CTNNA2: variants seen among roughly 807,000 people sequenced by gnomAD.
The protein encoded by CTNNA2 is catenin alpha 2, also known as catenin alpha-2.
CTNNA2 carries 42 observed loss-of-function variants against 101.0 expected under a neutral mutation model. That is an observed-to-expected ratio of 0.42 (90% confidence interval 0.32 to 0.54). The LOEUF is 0.54. CTNNA2 is among the 20% of genes least tolerant of loss of function. The pLI, the probability that CTNNA2 is intolerant of heterozygous loss-of-function variation, is 0.14. For synonymous variants in CTNNA2, 450 were observed against 456.4 expected (o/e 0.99, Z 0.18); for missense variants, 871 against 1,223.1 (o/e 0.71, Z 4.29).
chr2:79,395,805 T>C (rs1414957008), intron 4 of CTNNA2, among the ~76,000 whole-genome samples: 1 of 152,186 alleles, frequency 6.6e-6, no homozygotes, highest in Non-Finnish European at 1.5e-5. Context: ...TTTACTTTTT[T>C]AATTTTGATT....
intron 3 of CTNNA2, among the ~76,000 whole-genome samples, chr2:79,349,114 T>C (rs925697858): frequency 1.3e-5 from 2 of 152,186 alleles, no homozygotes; most frequent in African/African-American, 4.8e-5. Flanking sequence ...TGCATACTGA[T>C]GGTATAGGCT....
chr2:79,242,485 A>G (rs1228107754), intron 2 of CTNNA2, among the ~76,000 whole-genome samples: 2 of 152,098 alleles, frequency 1.3e-5, no homozygotes, highest in Non-Finnish European at 2.9e-5. Flanking sequence ...GTGTAACTCC[A>G]CATACTCTCT....
chr2:79,999,369 C>G (rs1380961394), intron 7 of CTNNA2, among the ~76,000 whole-genome samples: 1 of 152,204 alleles, frequency 6.6e-6, no homozygotes, highest in African/African-American at 2.4e-5. Flanking sequence ...AACTGGTTAT[C>G]TCTCCTATAC....
intron 2 of CTNNA2, among the ~76,000 whole-genome samples, chr2:79,670,238 C>T (rs1218426747): frequency 2.6e-5 from 4 of 152,150 alleles, no homozygotes; most frequent in East Asian, 1.9e-4. Context: ...GGTCTGCAGC[C>T]GGGTGTCCAG....
At chr2:79,882,761 A>G (rs1683542899) in intron 6 of CTNNA2, among the ~76,000 whole-genome samples, 1 of 152,236 alleles carries the variant, frequency 6.6e-6, no homozygotes, top group Admixed American at 6.5e-5. Context: ...GGCAGGCTTA[A>G]GCAGGTTCCA....
intron 3 of CTNNA2, among the ~76,000 whole-genome samples, chr2:79,326,020 A>G (rs1004149273): frequency 6.6e-6 from 1 of 152,164 alleles, no homozygotes; most frequent in African/African-American, 2.4e-5. Context: ...ATGATGATAA[A>G]ACAGAATAAA....
chr2:80,237,310 A>G (rs917295922), intron 7 of CTNNA2, among the ~76,000 whole-genome samples: 8 of 152,216 alleles, frequency 5.3e-5, no homozygotes, highest in African/African-American at 1.9e-4. Flanking sequence ...TTCAAAATAC[A>G]TACAGTACCC....
intron 7 of CTNNA2, among the ~76,000 whole-genome samples, chr2:80,199,182 GAAAAAAA>G (rs70940076): frequency 4.0e-4 from 16 of 40,060 alleles, no homozygotes; most frequent in African/African-American, 1.1e-3. Context: ...CTCCATCTCA[GAAAAAAA>G]AAAAAAAAAA....
At chr2:79,190,183 A>T (rs888010926) in intron 1 of CTNNA2, among the ~76,000 whole-genome samples, 2 of 152,054 alleles carry the variant, frequency 1.3e-5, no homozygotes, top group Admixed American at 6.6e-5. Flanking sequence ...GATGTTCCAA[A>T]TATGTCAATT....
At chr2:79,471,117 C>G (rs1309556683) in intron 4 of CTNNA2, among the ~76,000 whole-genome samples, 1 of 152,096 alleles carries the variant, frequency 6.6e-6, no homozygotes, top group Non-Finnish European at 1.5e-5. Context: ...TGGATGTTGG[C>G]TGTGGCACAC....
intron 7 of CTNNA2, among the ~76,000 whole-genome samples, chr2:80,055,288 C>T (rs1697146664): frequency 6.6e-6 from 1 of 152,130 alleles, no homozygotes; most frequent in Non-Finnish European, 1.5e-5. Context: ...CTTTGCCTCC[C>T]TAAGTACTGG....
chr2:80,480,003 C>T (rs1016297462), intron 9 of CTNNA2, among the ~76,000 whole-genome samples: 1 of 152,118 alleles, frequency 6.6e-6, no homozygotes, highest in African/African-American at 2.4e-5. Flanking sequence ...CTTCCTTTTA[C>T]TTCTATATGG....
chr2:79,664,712 T>C (rs1282949779), intron 2 of CTNNA2, among the ~76,000 whole-genome samples: 6 of 78,478 alleles, frequency 7.6e-5, no homozygotes, highest in Non-Finnish European at 1.3e-4. Context: ...CTTCTTTTTT[T>C]TTTTTTTTTT....
chr2:79,916,725 G>C (rs1440145289), intron 7 of CTNNA2, among the ~76,000 whole-genome samples: 1 of 151,456 alleles, frequency 6.6e-6, no homozygotes, highest in African/African-American at 2.4e-5. Context: ...TGGGACAACA[G>C]GATTCTCCTG....
chr2:80,305,090 G>A, intron 7 of CTNNA2: 1 of 985,272 alleles, frequency 1.0e-6, no homozygotes, highest in Non-Finnish European at 1.2e-6. Flanking sequence ...GGAATCTGTA[G>A]AGAAATCAAC....
intron 2 of CTNNA2, among the ~76,000 whole-genome samples, chr2:79,252,181 G>A (rs1051636797): frequency 6.6e-6 from 1 of 152,064 alleles, no homozygotes; most frequent in Non-Finnish European, 1.5e-5. Context: ...GAATATAGAG[G>A]TAAAAATGGG....
At chr2:79,778,203 G>A (rs776021305) in intron 3 of CTNNA2, among the ~76,000 whole-genome samples, 11 of 151,888 alleles carry the variant, frequency 7.2e-5, no homozygotes, top group South Asian at 2.1e-4. Flanking sequence ...AAAATTAACC[G>A]AGTATGGTGG....
intron 7 of CTNNA2, among the ~76,000 whole-genome samples, chr2:80,377,781 A>G (rs779561684): frequency 6.6e-6 from 1 of 152,162 alleles, no homozygotes; most frequent in Non-Finnish European, 1.5e-5. Flanking sequence ...ACATGGCCGG[A>G]TAGGTAGCTC....
At chr2:80,241,627 C>CTATCTATCT (rs1553475017) in intron 7 of CTNNA2, among the ~76,000 whole-genome samples, 10 of 148,580 alleles carry the variant, frequency 6.7e-5, no homozygotes, top group African/African-American at 2.3e-4. Flanking sequence ...ATCTATCTAT[C>CTATCTATCT]ATCTTTGTTA....
Sources: allele counts gnomAD v4.1 joint callset (sites outside exome capture counted in the v4.1 genomes callset), GRCh38; gene constraint gnomAD v4.1.1; transcripts MANE v1.5; gene names NCBI Gene and HGNC (gene_info 2026-07-23, HGNC 2026-07-21).